GALNT18: variants seen among roughly 807,000 people sequenced by gnomAD.
GALNT18 encodes the protein GalNAc-transferase 18.
A neutral mutation model predicts 69.5 loss-of-function variants in GALNT18; 44 were observed. The ratio of observed to expected loss-of-function variants is 0.63; its 90% confidence interval spans 0.50 to 0.81. GALNT18 has a LOEUF of 0.81. Among genes scored for constraint, GALNT18 ranks in the 40% least tolerant of loss-of-function variants. GALNT18 has a pLI of 0.00. For missense variants in GALNT18, 715 were observed against 810.0 expected, an observed-to-expected ratio of 0.88 and a Z score of 1.42; for synonymous variants, 364 against 318.2, an observed-to-expected ratio of 1.14 and a Z score of -1.53.
intron 1 of GALNT18, among the ~76,000 whole-genome samples, chr11:11,550,571 G>A (rs1440744677): frequency 2.0e-5 from 3 of 152,214 alleles, no homozygotes; most frequent in Middle Eastern, 3.4e-3. Context: ...AAGCATTTCC[G>A]AAGTTGTCCT....
chr11:11,497,370 A>ACACC lies in GALNT18; in HGVS notation c.236-48435_236-48434insGGTG, dbSNP rs1388394076. ...CACACACACACACACACACACACAC[A>ACACC]CCCCTTAGAATGGGGCTCCTTAAGA... is the stretch of plus-strand genomic sequence containing the variant. On this transcript the variant is annotated intron_variant, in intron 1 of 10. Coordinates refer to ENST00000227756, the MANE Select transcript of GALNT18 (RefSeq NM_198516.3). This position sits in a 1 kb window ranked among gnomAD's most constrained non-coding sequence, Gnocchi z 4.2. Among the ~76,000 whole-genome samples, 251 of 134,698 alleles carry ACACC rather than the reference A, an allele frequency of 1.9e-3. 1 individual carries two copies. Among genetic ancestry groups the ACACC allele is most frequent in the African/African-American group, 5.1e-3 (169 of 33,016 alleles). The allele number at this position is 134,698 out of a possible 152,430, so 88.4% of individuals were successfully genotyped here. A position where few individuals can be genotyped will look rare whatever the true frequency, so the allele number is the denominator to read the frequency against.
chr11:11,536,575 T>G (rs568809468), intron 1 of GALNT18, among the ~76,000 whole-genome samples: 10 of 152,152 alleles, frequency 6.6e-5, no homozygotes, highest in Admixed American at 6.5e-4. Flanking sequence ...CATCAGCTTC[T>G]TCCTCTACAG....
In GALNT18 at chr11:11,562,238, T is replaced by C. The variant is rs1198584870; in HGVS notation, c.235+59121A>G. Among the ~76,000 whole-genome samples the C allele has an allele frequency of 6.6e-6, 1 of 152,182 alleles. No individual in the cohort carries two copies. The highest frequency in any genetic ancestry group is 2.4e-5 in the African/African-American group (1 of 41,436). On this transcript the variant is annotated intron_variant, in intron 1 of 10. Transcript: ENST00000227756. This position sits in a 1 kb window ranked among gnomAD's most constrained non-coding sequence, Gnocchi z 4.1. Reference sequence around the variant, plus strand: ...CTGTGGGCTGTGAGGAAGGATCTGTTCCAGGCTCTCTCTTTGGCTTCTGGC... The same window carrying C: ...CTGTGGGCTGTGAGGAAGGATCTGTCCCAGGCTCTCTCTTTGGCTTCTGGC...
rs1314361902 is a variant in GALNT18 at position 11,542,956 on chromosome 11, C to T, written c.235+78403G>A. 1.3e-5 allele frequency among the ~76,000 whole-genome samples: 2 copies of T among 152,194 alleles called. No individual in the cohort carries two copies. Among genetic ancestry groups the T allele is most frequent in the African/African-American group, 4.8e-5 (2 of 41,444 alleles). ...GATCCATTAGTTCGTGGGTGAGGAG[C>T]AGGGTGCATGGAACCCCTGCAGCCT... On this transcript the variant is annotated intron_variant, in intron 1 of 10. Coordinates refer to ENST00000227756, the MANE Select transcript of GALNT18 (RefSeq NM_198516.3). The surrounding 1 kb of genome is among the most constrained non-coding windows in gnomAD (Gnocchi z 4.3).
At chr11:11,291,540 C>T (rs1849297438) in intron 10 of GALNT18, among the ~76,000 whole-genome samples, 1 of 149,690 alleles carries the variant, frequency 6.7e-6, no homozygotes, top group Non-Finnish European at 1.5e-5. Flanking sequence ...GTTTACAGCA[C>T]ATGTCAAAGG....
chr11:11,563,655 T>C lies in GALNT18; in HGVS notation c.235+57704A>G, dbSNP rs1159145823. Among the ~76,000 whole-genome samples the C allele has an allele frequency of 6.6e-6, 1 of 152,164 alleles. No individual in the cohort carries two copies. The highest frequency in any genetic ancestry group is 2.4e-5 in the African/African-American group (1 of 41,448). On this transcript the variant is annotated intron_variant, in intron 1 of 10. Coordinates refer to ENST00000227756, the MANE Select transcript of GALNT18 (RefSeq NM_198516.3). The surrounding 1 kb of genome is among the most constrained non-coding windows in gnomAD (Gnocchi z 4.6). Reference sequence around the variant, plus strand: ...CCTAAGGCTAGCTTGTGGTTGCTGGTGGGGGCCCCACAGCCGGCAAGTGGG... The same window carrying C: ...CCTAAGGCTAGCTTGTGGTTGCTGGCGGGGGCCCCACAGCCGGCAAGTGGG...
chr11:11,449,859 T>TAA (rs1855751797), intron 1 of GALNT18, among the ~76,000 whole-genome samples: 1 of 152,154 alleles, frequency 6.6e-6, no homozygotes, highest in Non-Finnish European at 1.5e-5. Context: ...ATAAAGTGTA[T>TAA]AAAGCATTTA....
intron 9 of GALNT18, among the ~76,000 whole-genome samples, chr11:11,305,474 T>C (rs572736852): frequency 2.6e-5 from 4 of 152,168 alleles, no homozygotes; most frequent in Non-Finnish European, 5.9e-5. Flanking sequence ...ACTTTGAACA[T>C]ATATACCAAT....
At chr11:11,545,374 G>A (rs370235918) in intron 1 of GALNT18, among the ~76,000 whole-genome samples, 1 of 152,202 alleles carries the variant, frequency 6.6e-6, no homozygotes, top group African/African-American at 2.4e-5. Context: ...CAGGAAAGAG[G>A]GCTTCCTTCT....
intron 10 of GALNT18, among the ~76,000 whole-genome samples, chr11:11,272,400 C>T (rs778712868): frequency 6.6e-6 from 1 of 152,170 alleles, no homozygotes; most frequent in South Asian, 2.1e-4. Context: ...TCCCTTCCAA[C>T]CTCCAGAGGC....
chr11:11,554,688 T>C lies in GALNT18; in HGVS notation c.235+66671A>G, dbSNP rs147844872. The stretch of plus-strand genomic sequence containing the variant: ...AGCCTGGAATGGAACTGATGTTCCA[T>C]GGAACATCTTTTGGGAACTGATGCT... On this transcript the variant is annotated intron_variant, in intron 1 of 10. Coordinates refer to ENST00000227756, the MANE Select transcript of GALNT18 (RefSeq NM_198516.3). 3.8e-3 allele frequency among the ~76,000 whole-genome samples: 582 copies of C among 152,270 alleles called. 4 individuals are homozygous for C. Among genetic ancestry groups the C allele is most frequent in the African/African-American group, 0.013 (556 of 41,554 alleles).
rs959982089 is a variant in GALNT18 at position 11,505,614 on chromosome 11, G to A, written c.236-56678C>T. ...GCCACATCATCTGGATTCAGTCTCC[G>A]ACATCCCAATGAAAGCATTCTCACT... On this transcript the variant is annotated intron_variant, in intron 1 of 10. Coordinates refer to ENST00000227756, the MANE Select transcript of GALNT18 (RefSeq NM_198516.3). This position sits in a 1 kb window ranked among gnomAD's most constrained non-coding sequence, Gnocchi z 4.6. Among the ~76,000 whole-genome samples, 1 of 152,026 alleles carries A rather than the reference G, an allele frequency of 6.6e-6. No homozygotes were observed. Among genetic ancestry groups the A allele is most frequent in the Non-Finnish European group, 1.5e-5 (1 of 68,018 alleles).
chr11:11,281,680 CAG>C (rs1410279963), intron 10 of GALNT18, among the ~76,000 whole-genome samples: 1 of 152,150 alleles, frequency 6.6e-6, no homozygotes, highest in Admixed American at 6.5e-5. Flanking sequence ...AAGCATCCTT[CAG>C]AGACTCCCAT....
chr11:11,560,608 C>G (rs1858483621), intron 1 of GALNT18, among the ~76,000 whole-genome samples: 1 of 152,174 alleles, frequency 6.6e-6, no homozygotes, highest in African/African-American at 2.4e-5. Context: ...CCACACAGCT[C>G]TAGACACAGC....
rs1304246307 is a variant in GALNT18 at position 11,620,378 on chromosome 11, C to T, written c.235+981G>A. ...ACCCGGCACCAGTGCTCCTGGCGCC[C>T]GGAACTCCATTCCCTCCCATGACAG... On this transcript the variant is annotated intron_variant, in intron 1 of 10. Transcript: ENST00000227756. This position sits in a 1 kb window ranked among gnomAD's most constrained non-coding sequence, Gnocchi z 6.9. Among the ~76,000 whole-genome samples the T allele has an allele frequency of 2.0e-5, 3 of 151,946 alleles. No individual in the cohort carries two copies. The highest frequency in any genetic ancestry group is 7.3e-5 in the African/African-American group (3 of 41,332).
At position 11,600,117 on chromosome 11, in the gene GALNT18, T is replaced by C. The variant is rs1590130886; in HGVS notation, c.235+21242A>G. The stretch of plus-strand genomic sequence containing the variant: ...TTTCTATATAAGCTCAGCAGTACAA[T>C]AATTTGCATTTTTATGCAATTCCTT... On this transcript the variant is annotated intron_variant, in intron 1 of 10. Transcript: ENST00000227756. The surrounding 1 kb of genome is among the most constrained non-coding windows in gnomAD (Gnocchi z 4.8). 6.6e-6 allele frequency among the ~76,000 whole-genome samples: 1 copy of C among 152,090 alleles called. No individual in the cohort carries two copies. Among genetic ancestry groups the C allele is most frequent in the East Asian group, 1.9e-4 (1 of 5,184 alleles).
In GALNT18 at chr11:11,619,532, C is replaced by T. The variant is rs1860135126; in HGVS notation, c.235+1827G>A. On this transcript the variant is annotated intron_variant, in intron 1 of 10. Coordinates refer to ENST00000227756, the MANE Select transcript of GALNT18 (RefSeq NM_198516.3). This position sits in a 1 kb window ranked among gnomAD's most constrained non-coding sequence, Gnocchi z 4.9. ...TAATGGCATCCCCTGAAAGCATCCC[C>T]AAAGCAGTACCTTGCTCACCTCCTG... is the stretch of plus-strand genomic sequence containing the variant. Among the ~76,000 whole-genome samples, 2 of 152,088 alleles carry T rather than the reference C, an allele frequency of 1.3e-5. No homozygotes were observed. The highest frequency in any genetic ancestry group is 1.3e-4 in the Admixed American group (2 of 15,284).
intron 10 of GALNT18, among the ~76,000 whole-genome samples, chr11:11,290,770 G>A (rs976062506): frequency 1.3e-5 from 2 of 152,108 alleles, no homozygotes; most frequent in African/African-American, 2.4e-5. Context: ...ATTCACAGAC[G>A]GCAGGGCAAG....
intron 3 of GALNT18, among the ~76,000 whole-genome samples, chr11:11,428,172 C>T (rs1470640218): frequency 6.6e-6 from 1 of 152,234 alleles, no homozygotes; most frequent in Non-Finnish European, 1.5e-5. Flanking sequence ...AGAGAAGCAG[C>T]TCCCCGCGTG....
Sources: allele counts gnomAD v4.1 joint callset (sites outside exome capture counted in the v4.1 genomes callset), GRCh38; gene constraint gnomAD v4.1.1; non-coding constraint Gnocchi (gnomAD v3.1); transcripts MANE v1.5; gene names NCBI Gene and HGNC (gene_info 2026-07-23, HGNC 2026-07-21).